The following LHFPL3 variants were observed in gnomAD, a reference collection of about 807,000 sequenced individuals.
LHFPL3 encodes LHFPL tetraspan subfamily member 3 protein.
A neutral mutation model predicts 19.3 loss-of-function variants in LHFPL3; 5 were observed. The observed-to-expected ratio is 0.26, with a 90% CI of 0.14 to 0.54. The LOEUF (loss-of-function observed/expected upper bound fraction) is 0.54, where lower values mean the gene tolerates loss of function less well. LHFPL3 is among the 20% of genes least tolerant of loss of function. The pLI, the probability that LHFPL3 is intolerant of heterozygous loss-of-function variation, is 0.94. For synonymous variants in LHFPL3, 133 were observed against 126.2 expected, an observed-to-expected ratio of 1.05 and a Z score of -0.36; for missense variants, 249 against 307.4, an observed-to-expected ratio of 0.81 and a Z score of 1.42.
intron 2 of LHFPL3, among the ~76,000 whole-genome samples, chr7:104,891,827 G>A (rs1792251351): frequency 2.6e-5 from 4 of 152,208 alleles, no homozygotes; most frequent in South Asian, 4.1e-4. Context: ...CAAGAATAAT[G>A]AAAAGAGATA....
chr7:104,476,741 T>C (rs34642397), intron 1 of LHFPL3, among the ~76,000 whole-genome samples: 33,264 of 152,152 alleles, frequency 0.22, 3,933 homozygotes, highest in African/African-American at 0.3. Flanking sequence ...ATTACAGGCA[T>C]GAGCCACCAC....
chr7:104,560,892 C>T (rs1789981043), intron 1 of LHFPL3, among the ~76,000 whole-genome samples: 1 of 149,874 alleles, frequency 6.7e-6, no homozygotes, highest in African/African-American at 2.5e-5. Flanking sequence ...TCTTTGTTCT[C>T]GTTGGTTTCA....
chr7:104,605,405 A>G (rs1230545139), intron 1 of LHFPL3, among the ~76,000 whole-genome samples: 1 of 152,224 alleles, frequency 6.6e-6, no homozygotes, highest in Non-Finnish European at 1.5e-5. Flanking sequence ...CAGGTATACT[A>G]ATTTTCTTAA....
At chr7:104,354,769 C>A (rs1000293488) in intron 1 of LHFPL3, among the ~76,000 whole-genome samples, 3 of 152,002 alleles carry the variant, frequency 2.0e-5, no homozygotes, top group African/African-American at 7.3e-5. Context: ...TATTATGCCA[C>A]CCACATATGT....
intron 1 of LHFPL3, among the ~76,000 whole-genome samples, chr7:104,404,306 G>A (rs1791374923): frequency 6.6e-6 from 1 of 152,020 alleles, no homozygotes; most frequent in Non-Finnish European, 1.5e-5. Flanking sequence ...TTAAAAATTT[G>A]AAACTAAACA....
At chr7:104,649,808 G>T (rs562585357) in intron 1 of LHFPL3, among the ~76,000 whole-genome samples, 5 of 152,124 alleles carry the variant, frequency 3.3e-5, no homozygotes, top group Admixed American at 2.6e-4. Context: ...TTCTGGAGAG[G>T]TCCACTTAAG....
chr7:104,596,517 A>G (rs1272670103), intron 1 of LHFPL3, among the ~76,000 whole-genome samples: 4 of 152,184 alleles, frequency 2.6e-5, no homozygotes, highest in Non-Finnish European at 5.9e-5. Flanking sequence ...GATAACAACA[A>G]TTTTCCTGCA....
At chr7:104,803,387 T>C (rs1790294735) in intron 2 of LHFPL3, 1 of 152,234 alleles carries the variant, frequency 6.6e-6, no homozygotes, top group African/African-American at 2.4e-5. Context: ...GCCATAACCA[T>C]ATGTTCCAAA....
At chr7:104,712,776 A>C (rs1290184572) in intron 1 of LHFPL3, among the ~76,000 whole-genome samples, 1 of 152,210 alleles carries the variant, frequency 6.6e-6, no homozygotes, top group Non-Finnish European at 1.5e-5. Context: ...ATGTTGTTTT[A>C]AGCCACCAAG....
At chr7:104,617,069 C>A (rs912465721) in intron 1 of LHFPL3, among the ~76,000 whole-genome samples, 1 of 152,028 alleles carries the variant, frequency 6.6e-6, no homozygotes, top group African/African-American at 2.4e-5. Flanking sequence ...TAAATTAGTT[C>A]AACTATTGTG....
At chr7:104,828,621 C>T (rs1237659000) in intron 2 of LHFPL3, among the ~76,000 whole-genome samples, 3 of 151,972 alleles carry the variant, frequency 2.0e-5, no homozygotes, top group Admixed American at 1.3e-4. Context: ...AGGAAAGCAC[C>T]GCCAGGCCTC....
At chr7:104,738,563 A>G (rs902818386) in intron 2 of LHFPL3, 2 of 152,146 alleles carry the variant, frequency 1.3e-5, no homozygotes, top group African/African-American at 4.8e-5. Flanking sequence ...TTTTGACCAC[A>G]AACAAAGAGA....
At chr7:104,735,335 C>G (rs180909409) in intron 1 of LHFPL3, among the ~76,000 whole-genome samples, 12 of 152,254 alleles carry the variant, frequency 7.9e-5, no homozygotes, top group African/African-American at 2.7e-4. Context: ...CAGAGGCAGG[C>G]AGGCCTCCTT....
At chr7:104,552,771 T>A (rs973795795) in intron 1 of LHFPL3, among the ~76,000 whole-genome samples, 11 of 152,252 alleles carry the variant, frequency 7.2e-5, no homozygotes, top group African/African-American at 2.4e-4. Context: ...GCTTGCTGAT[T>A]GTAATTTACA....
chr7:104,575,015 A>G (rs1790298692), intron 1 of LHFPL3, among the ~76,000 whole-genome samples: 1 of 152,250 alleles, frequency 6.6e-6, no homozygotes, highest in Admixed American at 6.5e-5. Flanking sequence ...TTTGATGACT[A>G]AGTAATTCAT....
intron 1 of LHFPL3, among the ~76,000 whole-genome samples, chr7:104,561,870 C>T (rs1216252887): frequency 1.3e-5 from 2 of 152,120 alleles, no homozygotes; most frequent in African/African-American, 4.8e-5. Flanking sequence ...TCTTGTAAGG[C>T]AGGCCTGGTG....
At chr7:104,508,556 A>G (rs1471055186) in intron 1 of LHFPL3, among the ~76,000 whole-genome samples, 2 of 151,602 alleles carry the variant, frequency 1.3e-5, no homozygotes, top group African/African-American at 4.8e-5. Context: ...ACATGTATAC[A>G]TATGTAACTA....
intron 1 of LHFPL3, among the ~76,000 whole-genome samples, chr7:104,339,141 G>A (rs766592827): frequency 2.6e-5 from 4 of 152,034 alleles, no homozygotes; most frequent in African/African-American, 9.7e-5. Context: ...CCAGCTACTC[G>A]GGAGGCCGAG....
chr7:104,596,693 G>A (rs1278406651), intron 1 of LHFPL3, among the ~76,000 whole-genome samples: 1 of 152,170 alleles, frequency 6.6e-6, no homozygotes, highest in African/African-American at 2.4e-5. Flanking sequence ...GGATCTACTG[G>A]CATAGGGTGG....
Sources: allele counts gnomAD v4.1 joint callset (sites outside exome capture counted in the v4.1 genomes callset), GRCh38; gene constraint gnomAD v4.1.1; transcripts MANE v1.5; gene names NCBI Gene and HGNC (gene_info 2026-07-23, HGNC 2026-07-21).